SLC9A9: variants seen among roughly 807,000 people sequenced by gnomAD.
The protein encoded by SLC9A9 is solute carrier family 9 member A9, also known as sodium/hydrogen exchanger 9.
Under a neutral mutation model 77.8 loss-of-function variants are expected in SLC9A9, and 62 were observed. The ratio of observed to expected loss-of-function variants is 0.80; its 90% CI spans 0.65 to 0.98. The LOEUF is 0.98. SLC9A9 is among the 50% of genes least tolerant of loss of function. SLC9A9 has a pLI of 0.00. For synonymous variants in SLC9A9, 320 were observed against 283.5 expected (o/e 1.13, Z -1.29); for missense variants, 775 against 774.9 (o/e 1.00, Z 0.00).
chr3:143,398,516 A>G (rs1276665785), intron 12 of SLC9A9, among the ~76,000 whole-genome samples: 1 of 152,186 alleles, frequency 6.6e-6, no homozygotes, highest in East Asian at 1.9e-4. Context: ...TATAAAACAT[A>G]TGGAGTTTGG....
At chr3:143,537,816 G>T (rs1417477774) in intron 9 of SLC9A9, among the ~76,000 whole-genome samples, 3 of 152,156 alleles carry the variant, frequency 2.0e-5, no homozygotes, top group Non-Finnish European at 4.4e-5. Context: ...CAGGTGGGTT[G>T]GGAGGGCCAG....
At chr3:143,433,819 C>G (rs1032440301) in intron 12 of SLC9A9, among the ~76,000 whole-genome samples, 1 of 152,230 alleles carries the variant, frequency 6.6e-6, no homozygotes, top group African/African-American at 2.4e-5. Flanking sequence ...TTAGAACCAA[C>G]TGGAAAGTAA....
At chr3:143,707,488 T>C (rs1934016326) in intron 4 of SLC9A9, among the ~76,000 whole-genome samples, 1 of 152,206 alleles carries the variant, frequency 6.6e-6, no homozygotes, top group African/African-American at 2.4e-5. Flanking sequence ...AATGTTTTTC[T>C]TCTACTTGTT....
At chr3:143,764,084 T>C (rs1488495947) in intron 4 of SLC9A9, among the ~76,000 whole-genome samples, 1 of 152,146 alleles carries the variant, frequency 6.6e-6, no homozygotes, top group Admixed American at 6.6e-5. Context: ...ATTTCACTTC[T>C]TTTTTAAAAA....
chr3:143,703,406 C>G (rs907400119), intron 4 of SLC9A9, among the ~76,000 whole-genome samples: 1 of 151,864 alleles, frequency 6.6e-6, no homozygotes, highest in Non-Finnish European at 1.5e-5. Flanking sequence ...AAAATAGTAA[C>G]AAGGAGAATT....
chr3:143,668,746 C>G (rs568820339), intron 5 of SLC9A9, among the ~76,000 whole-genome samples: 1 of 152,192 alleles, frequency 6.6e-6, no homozygotes, highest in Non-Finnish European at 1.5e-5. Context: ...GTTAGCTCCT[C>G]GAGGATCAGA....
chr3:143,375,727 T>G (rs1367827162), intron 13 of SLC9A9, among the ~76,000 whole-genome samples: 1 of 152,206 alleles, frequency 6.6e-6, no homozygotes, highest in Non-Finnish European at 1.5e-5. Context: ...ATAGAACAAC[T>G]GAACCCCACA....
chr3:143,686,908 T>C (rs1248817574), intron 5 of SLC9A9, among the ~76,000 whole-genome samples: 1 of 49,514 alleles, frequency 2.0e-5, no homozygotes, highest in Non-Finnish European at 4.6e-5. Context: ...CTAGTCTCTG[T>C]TTTTTGCACA....
chr3:143,395,779 G>A (rs1472035461), intron 12 of SLC9A9, among the ~76,000 whole-genome samples: 1 of 152,188 alleles, frequency 6.6e-6, no homozygotes, highest in Non-Finnish European at 1.5e-5. Flanking sequence ...CCATCAAAAA[G>A]TGGGCAAAGG....
At chr3:143,694,440 A>G (rs968730228) in intron 4 of SLC9A9, among the ~76,000 whole-genome samples, 5 of 152,140 alleles carry the variant, frequency 3.3e-5, no homozygotes, top group African/African-American at 1.2e-4. Flanking sequence ...AACTGAGGTA[A>G]TACATATTTG....
intron 14 of SLC9A9, among the ~76,000 whole-genome samples, chr3:143,332,903 A>G (rs958019969): frequency 2.6e-5 from 4 of 152,180 alleles, no homozygotes; most frequent in Non-Finnish European, 5.9e-5. Flanking sequence ...AATCCACCAT[A>G]TCAATCATCT....
At chr3:143,670,052 TA>T (rs2039134003) in intron 5 of SLC9A9, among the ~76,000 whole-genome samples, 1 of 152,186 alleles carries the variant, frequency 6.6e-6, no homozygotes. Flanking sequence ...AGAGAAATGT[TA>T]AAAACTCTTC....
intron 11 of SLC9A9, among the ~76,000 whole-genome samples, chr3:143,489,414 C>A (rs956741090): frequency 3.3e-5 from 5 of 151,558 alleles, no homozygotes; most frequent in Non-Finnish European, 7.4e-5. Flanking sequence ...TTTAAGAGGC[C>A]CCAAATAACC....
At chr3:143,414,019 ACTTGAAAAATGTG>A (rs1399877411) in intron 12 of SLC9A9, among the ~76,000 whole-genome samples, 4 of 152,266 alleles carry the variant, frequency 2.6e-5, no homozygotes, top group African/African-American at 9.6e-5. Flanking sequence ...CATAGCAGGC[ACTTGAAAAATGTG>A]CTGAAAATGA....
At chr3:143,757,517 G>A (rs1268866227) in intron 4 of SLC9A9, among the ~76,000 whole-genome samples, 1 of 152,070 alleles carries the variant, frequency 6.6e-6, no homozygotes. Flanking sequence ...TTGGCATTTG[G>A]AGTACAACAA....
intron 6 of SLC9A9, among the ~76,000 whole-genome samples, chr3:143,601,512 G>A (rs1186931233): frequency 1.3e-5 from 2 of 152,150 alleles, no homozygotes; most frequent in South Asian, 2.1e-4. Flanking sequence ...GGGAGCCAGC[G>A]TTTCTATTCT....
At chr3:143,323,985 T>C (rs1437934768) in intron 14 of SLC9A9, among the ~76,000 whole-genome samples, 1 of 152,154 alleles carries the variant, frequency 6.6e-6, no homozygotes, top group Non-Finnish European at 1.5e-5. Context: ...ATATATACTT[T>C]GTCCCAATGT....
At chr3:143,548,482 G>C (rs1203587762) in intron 9 of SLC9A9, among the ~76,000 whole-genome samples, 1 of 152,148 alleles carries the variant, frequency 6.6e-6, no homozygotes, top group East Asian at 1.9e-4. Flanking sequence ...CAGGGAAAGA[G>C]ACAGGGCTTA....
chr3:143,341,293 T>C (rs1225039931), intron 14 of SLC9A9, among the ~76,000 whole-genome samples: 1 of 152,092 alleles, frequency 6.6e-6, no homozygotes, highest in Admixed American at 6.6e-5. Flanking sequence ...AATATATACC[T>C]GAGATGGGGT....
Sources: allele counts gnomAD v4.1 joint callset (sites outside exome capture counted in the v4.1 genomes callset), GRCh38; gene constraint gnomAD v4.1.1; transcripts MANE v1.5; gene names NCBI Gene and HGNC (gene_info 2026-07-23, HGNC 2026-07-21).